Variants in PDE11A observed in about 807,000 individuals in gnomAD.
The protein encoded by PDE11A is phosphodiesterase 11A.
In PDE11A, 100 loss-of-function variants were observed where a neutral mutation model predicts 100.5. That is an observed-to-expected ratio of 1.00 (90% confidence interval 0.85 to 1.18). PDE11A has a LOEUF of 1.18. Among genes scored for constraint, PDE11A ranks in the 50% most tolerant of loss-of-function variants. PDE11A has a pLI of 0.00. For missense variants in PDE11A, 1,141 were observed against 1,152.6 expected, an observed-to-expected ratio of 0.99 and a Z score of 0.15; for synonymous variants, 381 against 420.8, an observed-to-expected ratio of 0.91 and a Z score of 1.16.
intron 2 of PDE11A, chr2:177,927,100 T>C (rs17401650): frequency 0.086 from 13,147 of 152,230 alleles, 540 homozygotes; most frequent in South Asian, 0.099. Context: ...TCCACTCTCA[T>C]TTTCTCTTGG....
intron 1 of PDE11A, among the ~76,000 whole-genome samples, chr2:178,040,802 C>T (rs1292576582): frequency 6.6e-6 from 1 of 152,176 alleles, no homozygotes; most frequent in East Asian, 1.9e-4. Flanking sequence ...TGCCTTCCTT[C>T]TTTACAGTTC....
chr2:177,675,083 C>T (rs2080748147), intron 17 of PDE11A, among the ~76,000 whole-genome samples: 1 of 151,384 alleles, frequency 6.6e-6, no homozygotes, highest in African/African-American at 2.4e-5. Context: ...TTCCTTTTTG[C>T]CTCCTTTTAT....
chr2:177,648,893 AATAG>A (rs2080263143), intron 19 of PDE11A, among the ~76,000 whole-genome samples: 2 of 152,120 alleles, frequency 1.3e-5, no homozygotes, highest in African/African-American at 4.8e-5. Flanking sequence ...TTATTTCTTT[AATAG>A]ATAGTGAGCT....
chr2:177,964,449 T>C (rs2085673576), intron 2 of PDE11A, among the ~76,000 whole-genome samples: 1 of 152,162 alleles, frequency 6.6e-6, no homozygotes, highest in African/African-American at 2.4e-5. Context: ...GTAAATTGCA[T>C]GTTGCAGGGG....
At chr2:177,866,734 C>T (rs553319985) in intron 5 of PDE11A, among the ~76,000 whole-genome samples, 1 of 152,344 alleles carries the variant, frequency 6.6e-6, no homozygotes, top group South Asian at 2.1e-4. Context: ...CATAAACAAA[C>T]TACTCTCCAA....
chr2:177,730,632 C>G (rs990795961), intron 10 of PDE11A, among the ~76,000 whole-genome samples: 2 of 151,846 alleles, frequency 1.3e-5, no homozygotes, highest in Non-Finnish European at 2.9e-5. Flanking sequence ...ATTCTAAGAG[C>G]TCTTCTTTTG....
intron 2 of PDE11A, among the ~76,000 whole-genome samples, chr2:177,910,937 G>GATTC (rs2084871667): frequency 6.6e-6 from 1 of 152,180 alleles, no homozygotes; most frequent in Non-Finnish European, 1.5e-5. Context: ...TCTTAGTGAA[G>GATTC]GGGGCCATCC....
At chr2:177,945,913 C>T (rs1156619377) in intron 2 of PDE11A, among the ~76,000 whole-genome samples, 631 of 132,384 alleles carry the variant, frequency 4.8e-3, no homozygotes, top group Non-Finnish European at 7.6e-3. Flanking sequence ...CCGCCCCGTC[C>T]GGGAGGTGAG....
At chr2:177,944,809 C>G (rs551051825) in intron 2 of PDE11A, among the ~76,000 whole-genome samples, 3 of 109,422 alleles carry the variant, frequency 2.7e-5, no homozygotes, top group South Asian at 6.1e-4. Flanking sequence ...GAGCGCTCTC[C>G]CTCTCCCTCT....
At chr2:178,037,686 C>A (rs978489627) in intron 1 of PDE11A, among the ~76,000 whole-genome samples, 14 of 152,148 alleles carry the variant, frequency 9.2e-5, no homozygotes, top group African/African-American at 2.7e-4. Context: ...GAATACTATG[C>A]AGCCATAAAA....
At chr2:177,638,706 G>T (rs940790208) in intron 19 of PDE11A, among the ~76,000 whole-genome samples, 2 of 151,978 alleles carry the variant, frequency 1.3e-5, no homozygotes, top group Admixed American at 6.6e-5. Context: ...GCGCAAGCTG[G>T]GTCCAAAGCA....
intron 10 of PDE11A, among the ~76,000 whole-genome samples, chr2:177,762,732 G>A (rs1314870474): frequency 6.6e-6 from 1 of 152,204 alleles, no homozygotes; most frequent in Non-Finnish European, 1.5e-5. Flanking sequence ...CCCAGGGAAA[G>A]GAGATGCTCA....
chr2:177,791,591 A>C (rs2082633737), intron 9 of PDE11A, among the ~76,000 whole-genome samples: 1 of 151,278 alleles, frequency 6.6e-6, no homozygotes, highest in Non-Finnish European at 1.5e-5. Context: ...CAATGTATGA[A>C]CTCTAGTATA....
chr2:178,013,917 T>C (rs1307470254), intron 2 of PDE11A, among the ~76,000 whole-genome samples: 1 of 152,154 alleles, frequency 6.6e-6, no homozygotes, highest in Non-Finnish European at 1.5e-5. Flanking sequence ...TTTGTTGTAG[T>C]TATAAAAATA....
intron 2 of PDE11A, among the ~76,000 whole-genome samples, chr2:177,964,393 C>T (rs1445813177): frequency 1.3e-5 from 2 of 151,686 alleles, no homozygotes; most frequent in African/African-American, 4.8e-5. Flanking sequence ...TTCTTTCCAA[C>T]TTTTATTTTA....
intron 9 of PDE11A, among the ~76,000 whole-genome samples, chr2:177,793,957 T>G (rs1198443168): frequency 6.6e-6 from 1 of 152,148 alleles, no homozygotes; most frequent in Non-Finnish European, 1.5e-5. Context: ...CAACAAATAT[T>G]TATTCAGTAT....
At chr2:177,791,658 G>T (rs542425626) in intron 9 of PDE11A, among the ~76,000 whole-genome samples, 6 of 152,094 alleles carry the variant, frequency 3.9e-5, no homozygotes, top group East Asian at 3.9e-4. Flanking sequence ...TGTGTTTCAG[G>T]GTTGTGTTTG....
intron 5 of PDE11A, among the ~76,000 whole-genome samples, chr2:177,865,556 C>T (rs186513508): frequency 1.1e-3 from 165 of 152,226 alleles, no homozygotes; most frequent in Non-Finnish European, 7.4e-5. Context: ...AAAATTTGTA[C>T]ATGAATGTTC....
At chr2:177,938,307 G>A (rs2085303617) in intron 2 of PDE11A, among the ~76,000 whole-genome samples, 1 of 152,154 alleles carries the variant, frequency 6.6e-6, no homozygotes, top group Non-Finnish European at 1.5e-5. Context: ...ACAGTAAGGA[G>A]GTAGGGTTAG....
Sources: allele counts gnomAD v4.1 joint callset (sites outside exome capture counted in the v4.1 genomes callset), GRCh38; gene constraint gnomAD v4.1.1; transcripts MANE v1.5; gene names NCBI Gene and HGNC (gene_info 2026-07-23, HGNC 2026-07-21).